Variants in CREB3L1 observed in about 807,000 individuals in gnomAD.
CREB3L1 encodes the protein cyclic AMP-responsive element-binding protein 3-like protein 1.
A neutral mutation model predicts 54.5 loss-of-function variants in CREB3L1; 33 were observed. That is an observed-to-expected ratio of 0.61 (90% confidence interval 0.46 to 0.81). CREB3L1 has a LOEUF of 0.81. CREB3L1 is among the 30% of genes least tolerant of loss of function. CREB3L1 has a pLI of 0.00. For synonymous variants in CREB3L1, 284 were observed against 286.4 expected, an observed-to-expected ratio of 0.99 and a Z score of 0.08; for missense variants, 656 against 673.3, an observed-to-expected ratio of 0.97 and a Z score of 0.29.
intron 5 of CREB3L1, among the ~76,000 whole-genome samples, chr11:46,311,973 A>G (rs1566191196): frequency 6.6e-6 from 1 of 152,124 alleles, no homozygotes; most frequent in Non-Finnish European, 1.5e-5. Flanking sequence ...CTAGGCCCTG[A>G]GCCCTGGGAT....
rs987686958 is a variant in CREB3L1, at chr11:46,316,186, C to T, written c.1032-100C>T. 153 of 706,932 alleles carry T rather than the reference C, an allele frequency of 2.2e-4. 1 individual carries two copies. The highest frequency in any genetic ancestry group is 2.7e-4 in the Non-Finnish European group (109 of 409,486). The allele number at this position is 706,932 out of a possible 1,614,324, so 43.8% of individuals were successfully genotyped here. On this transcript the variant is annotated intron_variant, in intron 8 of 11. Coordinates refer to ENST00000621158, the MANE Select transcript of CREB3L1 (RefSeq NM_052854.4). ...TATCTTGACTGAAACGGGCACCTGG[C>T]GTGGAGGCCAAGTCTGGAGCCAGCC...
intron 10 of CREB3L1, among the ~76,000 whole-genome samples, chr11:46,319,451 T>G (rs193154672): frequency 1.2e-4 from 19 of 152,266 alleles, no homozygotes; most frequent in African/African-American, 3.1e-4. Context: ...TTTTAACCAC[T>G]CTACTTAGGT....
intron 7 of CREB3L1, 82 bp from the exon 8 acceptor site, chr11:46,312,769 G>GT: frequency 6.5e-7 from 1 of 1,547,332 alleles, no homozygotes; most frequent in Non-Finnish European, 8.8e-7. Flanking sequence ...GGCACAGGGA[G>GT]TGTGATGGTG....
rs1238575582 is a variant in CREB3L1, at chr11:46,278,161, C to A, written c.50C>A (p.Ser17Tyr). Residue 17 changes from serine to tyrosine, a missense_variant, in exon 1 of 12, where the codon TCC (serine) becomes TAC (tyrosine). Ser to Tyr is a moderately radical substitution (Grantham distance 144). This residue lies in a region of CREB3L1 where 339 missense variants were observed against 331.5 expected (regional missense o/e 1.02). Transcript: ENST00000621158. This position sits in a 1 kb window ranked among gnomAD's most constrained non-coding sequence, Gnocchi z 4.2. ...CCGGCCGACAGGCTGTTCCCCGGAT[C>A]CAGCTTCCTGGACTTGGGGGATCTG... ...PFPADRLFPG[S>Y]SFLDLGDLNE... is the part of the protein sequence containing the mutation. 7.6e-6 allele frequency: 12 copies of A among 1,576,466 alleles called. No homozygotes were observed. The highest frequency in any genetic ancestry group is 1.4e-5 in the African/African-American group (1 of 73,892).
At chr11:46,305,672 ATGTGTGTGTGTGTATATATGTG>A (rs1939379407) in intron 2 of CREB3L1, among the ~76,000 whole-genome samples, 1 of 89,340 alleles carries the variant, frequency 1.1e-5, no homozygotes, top group Non-Finnish European at 2.4e-5. Flanking sequence ...GTGTATATAT[ATGTGTGTGTGTGTATATATGTG>A]TGTGTGTGTG....
intron 11 of CREB3L1, 64 bp downstream of exon 11, chr11:46,320,592 G>C (rs887397325): frequency 3.2e-6 from 5 of 1,548,906 alleles, no homozygotes; most frequent in Admixed American, 2.0e-5. Context: ...GCCCACCCTT[G>C]GTCCCCACAT....
chr11:46,283,273 G>A (rs1490384557), intron 1 of CREB3L1, among the ~76,000 whole-genome samples: 9 of 152,246 alleles, frequency 5.9e-5, no homozygotes, highest in South Asian at 4.1e-4. Context: ...TAGAATTAAC[G>A]AAAAACAGTA....
chr11:46,298,394 A>G (rs1316622913), intron 1 of CREB3L1, among the ~76,000 whole-genome samples: 3 of 152,206 alleles, frequency 2.0e-5, no homozygotes. Context: ...TAAATAAGGA[A>G]CAAACAATAG....
chr11:46,312,494 G>C lies in CREB3L1; in HGVS notation c.903+20G>C. 1 of 1,610,992 alleles carries C rather than the reference G, an allele frequency of 6.2e-7. No homozygotes were observed. The highest frequency in any genetic ancestry group is 8.5e-7 in the Non-Finnish European group (1 of 1,178,090). On this transcript the variant is annotated intron_variant, in intron 6 of 11. Coordinates refer to ENST00000621158, the MANE Select transcript of CREB3L1 (RefSeq NM_052854.4). The stretch of plus-strand genomic sequence containing the variant: ...AACAAGGTAAAGCCTGCCACCCTGG[G>C]GCTTCAGAGGGCTTCCTTGGTGGGT...
intron 8 of CREB3L1, chr11:46,315,245 C>G (rs1029922672): frequency 4.3e-6 from 1 of 231,512 alleles, no homozygotes; most frequent in Non-Finnish European, 8.9e-6. Context: ...CCCACCCCAC[C>G]CCTCTGTCTC....
intron 2 of CREB3L1, among the ~76,000 whole-genome samples, chr11:46,306,508 A>T (rs1407244330): frequency 4.6e-4 from 47 of 103,008 alleles, no homozygotes; most frequent in African/African-American, 1.2e-3. Context: ...TGTCTCAATA[A>T]AAAAAAAAAA....
Position 46,321,288 on chromosome 11 carries a change from G to C in CREB3L1, c.*542G>C. ...CTGGCCCAGGAAAGAGGGACTACCT[G>C]ACCCTCACCTGGCACCCCCCTGCTG... On this transcript the variant is annotated 3_prime_UTR_variant, in exon 12 of 12. Coordinates refer to ENST00000621158, the MANE Select transcript of CREB3L1 (RefSeq NM_052854.4). 3.8e-6 allele frequency: 1 copy of C among 261,796 alleles called. No homozygotes were observed. The highest frequency in any genetic ancestry group is 7.6e-6 in the Non-Finnish European group (1 of 132,188). 16.2% of individuals were successfully genotyped at this position (261,796 alleles called of 1,614,324 possible).
chr11:46,298,065 G>A (rs1459057755), intron 1 of CREB3L1, among the ~76,000 whole-genome samples: 5 of 152,194 alleles, frequency 3.3e-5, no homozygotes, highest in African/African-American at 1.2e-4. Flanking sequence ...GCACGGGGAA[G>A]TTAAGCAACT....
intron 1 of CREB3L1, among the ~76,000 whole-genome samples, chr11:46,298,606 T>G (rs1939247197): frequency 6.6e-6 from 1 of 151,998 alleles, no homozygotes; most frequent in Non-Finnish European, 1.5e-5. Context: ...GGCTGAGGCA[T>G]GCAAATCACT....
intron 1 of CREB3L1, among the ~76,000 whole-genome samples, chr11:46,293,381 A>G (rs1284098750): frequency 6.6e-6 from 1 of 152,184 alleles, no homozygotes; most frequent in Non-Finnish European, 1.5e-5. Context: ...GTTGGACCAC[A>G]GCGCATGGGC....
At chr11:46,317,989 G>A (rs1052562821) in intron 10 of CREB3L1, among the ~76,000 whole-genome samples, 4 of 152,202 alleles carry the variant, frequency 2.6e-5, no homozygotes, top group African/African-American at 7.2e-5. Context: ...AGGCCGAGGC[G>A]GTGGATCACC....
At chr11:46,284,013 T>C (rs980591688) in intron 1 of CREB3L1, among the ~76,000 whole-genome samples, 9 of 152,160 alleles carry the variant, frequency 5.9e-5, no homozygotes, top group South Asian at 2.1e-4. Context: ...TGTGCCCCGA[T>C]ATGTTGTGAG....
intron 1 of CREB3L1, among the ~76,000 whole-genome samples, chr11:46,284,673 C>T (rs112794671): frequency 7.1e-4 from 105 of 147,468 alleles, no homozygotes; most frequent in Non-Finnish European, 1.3e-3. Flanking sequence ...AAAAAAAAGG[C>T]ATTTCCACAG....
rs779611242 is a variant in CREB3L1, at chr11:46,320,376, G to A, written c.1371G>A (p.Gly457=). ...PPDGWEINPG[G]PAEQRPRDHL... Reference sequence around the variant, plus strand: ...ATGGCTGGGAAATCAACCCCGGGGGGCCGGCAGAGCAGCGGCCCCGGGACC... The same window carrying A: ...ATGGCTGGGAAATCAACCCCGGGGGACCGGCAGAGCAGCGGCCCCGGGACC... The change falls in exon 11 of 12, where the codon GGG becomes GGA. Residue 457 remains glycine (G), a synonymous_variant. Transcript: ENST00000621158. 1.9e-6 allele frequency: 3 copies of A among 1,610,558 alleles called. No homozygotes were observed. The highest frequency in any genetic ancestry group is 2.2e-5 in the East Asian group (1 of 44,700).
Sources: gnomAD v4.1 joint callset for allele counts (sites outside exome capture counted in the v4.1 genomes callset) on GRCh38, gnomAD v4.1.1 for gene constraint, gnomAD v4.1.1 regional missense constraint, Gnocchi (gnomAD v3.1) non-coding constraint, MANE v1.5 for transcripts, NCBI Gene and HGNC (gene_info 2026-07-23, HGNC 2026-07-21) for gene names.